Variants in GALNT17 observed in about 807,000 individuals in gnomAD.
The protein encoded by GALNT17 is polypeptide N-acetylgalactosaminyltransferase 17.
GALNT17 carries 29 observed loss-of-function variants against 63.7 expected under a neutral mutation model. The ratio of observed to expected loss-of-function variants is 0.46; its 90% CI spans 0.34 to 0.62. GALNT17 has a LOEUF of 0.62. GALNT17 is among the 20% of genes least tolerant of loss of function. GALNT17 has a pLI of 0.01. For missense variants in GALNT17, 603 were observed against 799.6 expected (o/e 0.75, Z 2.97); for synonymous variants, 305 against 318.3 (o/e 0.96, Z 0.45).
intron 6 of GALNT17, among the ~76,000 whole-genome samples, chr7:71,660,052 A>G (rs1392583041): frequency 6.6e-6 from 1 of 152,200 alleles, no homozygotes; most frequent in Admixed American, 6.5e-5. Context: ...TTCCCTTGCT[A>G]GATTATCCAC....
chr7:71,355,218 T>G (rs1792262208), intron 2 of GALNT17, among the ~76,000 whole-genome samples: 1 of 152,174 alleles, frequency 6.6e-6, no homozygotes, highest in South Asian at 2.1e-4. Flanking sequence ...ATTATTGCCT[T>G]CCTTGTATTT....
At chr7:71,293,752 A>G (rs1791025672) in intron 1 of GALNT17, among the ~76,000 whole-genome samples, 5 of 152,184 alleles carry the variant, frequency 3.3e-5, no homozygotes, top group Admixed American at 3.3e-4. Context: ...AGTCCTTTGA[A>G]TATATTACTT....
At chr7:71,251,744 A>T (rs1790201888) in intron 1 of GALNT17, among the ~76,000 whole-genome samples, 2 of 152,092 alleles carry the variant, frequency 1.3e-5, no homozygotes. Flanking sequence ...CCTATATCGG[A>T]TTGTCAGTCT....
At chr7:71,518,225 G>A (rs1341900080) in intron 5 of GALNT17, among the ~76,000 whole-genome samples, 1 of 152,204 alleles carries the variant, frequency 6.6e-6, no homozygotes, top group East Asian at 1.9e-4. Flanking sequence ...GAAATACCGT[G>A]TGAGAATGCT....
intron 5 of GALNT17, among the ~76,000 whole-genome samples, chr7:71,423,024 C>CCTGCTGGTGT (rs1219067270): frequency 6.6e-6 from 1 of 152,278 alleles, no homozygotes; most frequent in Non-Finnish European, 1.5e-5. Flanking sequence ...TTGTTGCTAG[C>CCTGCTGGTGT]CTGCTGGTGT....
At chr7:71,317,184 C>G (rs1194435409) in intron 1 of GALNT17, among the ~76,000 whole-genome samples, 1 of 152,088 alleles carries the variant, frequency 6.6e-6, no homozygotes, top group Non-Finnish European at 1.5e-5. Context: ...TCTGGGAACT[C>G]TAGCAAGGGA....
At chr7:71,225,439 TACA>T (rs1789663928) in intron 1 of GALNT17, among the ~76,000 whole-genome samples, 1 of 152,238 alleles carries the variant, frequency 6.6e-6, no homozygotes, top group South Asian at 2.1e-4. Flanking sequence ...CGGCAGCGAT[TACA>T]TTGCACGTTG....
intron 1 of GALNT17, among the ~76,000 whole-genome samples, chr7:71,291,901 C>T (rs1790986323): frequency 6.6e-6 from 1 of 152,082 alleles, no homozygotes; most frequent in South Asian, 2.1e-4. Context: ...TTAATTTCTG[C>T]TTTACTCTTA....
chr7:71,638,660 A>T (rs1790561965), intron 6 of GALNT17, among the ~76,000 whole-genome samples: 1 of 152,112 alleles, frequency 6.6e-6, no homozygotes, highest in African/African-American at 2.4e-5. Flanking sequence ...TGAGTCTGAG[A>T]GTGTAGGTTT....
intron 6 of GALNT17, among the ~76,000 whole-genome samples, chr7:71,624,182 G>A (rs545828773): frequency 6.6e-6 from 1 of 152,316 alleles, no homozygotes; most frequent in African/African-American, 2.4e-5. Context: ...TCCAGGTTAA[G>A]ATGGATGACA....
intron 1 of GALNT17, among the ~76,000 whole-genome samples, chr7:71,160,381 C>T (rs1242775060): frequency 6.6e-6 from 1 of 152,126 alleles, no homozygotes; most frequent in East Asian, 1.9e-4. Flanking sequence ...ATGATTTTGC[C>T]ATAAGTCACA....
At chr7:71,314,068 G>A (rs542121671) in intron 1 of GALNT17, among the ~76,000 whole-genome samples, 4 of 152,150 alleles carry the variant, frequency 2.6e-5, no homozygotes, top group Non-Finnish European at 5.9e-5. Flanking sequence ...TCTGGGCAAG[G>A]GATGGAGGCG....
chr7:71,508,798 A>G (rs769642398), intron 5 of GALNT17, among the ~76,000 whole-genome samples: 1 of 152,112 alleles, frequency 6.6e-6, no homozygotes, highest in Non-Finnish European at 1.5e-5. Context: ...CTTCACACCC[A>G]GGAGCTCCCT....
chr7:71,299,787 A>T (rs1468529788), intron 1 of GALNT17, among the ~76,000 whole-genome samples: 1 of 151,290 alleles, frequency 6.6e-6, no homozygotes, highest in Non-Finnish European at 1.5e-5. Flanking sequence ...TTTAATTGAG[A>T]TGGAGTCTTG....
chr7:71,577,526 C>T (rs1018176190), intron 6 of GALNT17, among the ~76,000 whole-genome samples: 4 of 152,042 alleles, frequency 2.6e-5, no homozygotes, highest in Admixed American at 2.0e-4. Flanking sequence ...ACCTTCTTGC[C>T]GATTCCAGCC....
At chr7:71,174,093 G>A (rs1788593039) in intron 1 of GALNT17, among the ~76,000 whole-genome samples, 1 of 152,176 alleles carries the variant, frequency 6.6e-6, no homozygotes, top group Non-Finnish European at 1.5e-5. Flanking sequence ...GAGTTGACAA[G>A]GACGGGTAAA....
chr7:71,534,143 G>T (rs1160307673), intron 5 of GALNT17, among the ~76,000 whole-genome samples: 1 of 152,118 alleles, frequency 6.6e-6, no homozygotes, highest in Non-Finnish European at 1.5e-5. Flanking sequence ...TCAAGACTGG[G>T]TAATTTATAA....
intron 10 of GALNT17, 149 bp from the exon 11 acceptor site, chr7:71,711,869 T>C: frequency 1.2e-6 from 1 of 830,424 alleles, no homozygotes; most frequent in Non-Finnish European, 1.8e-6. Flanking sequence ...TCTCTTTGCC[T>C]CTTTCTCTGT....
At chr7:71,139,953 C>A (rs1490160052) in intron 1 of GALNT17, among the ~76,000 whole-genome samples, 2 of 152,100 alleles carry the variant, frequency 1.3e-5, no homozygotes, top group Non-Finnish European at 2.9e-5. Flanking sequence ...GAGATCGCGC[C>A]CCTGCACTCC....
Sources: gnomAD v4.1 joint callset for allele counts (sites outside exome capture counted in the v4.1 genomes callset) on GRCh38, gnomAD v4.1.1 for gene constraint, MANE v1.5 for transcripts, NCBI Gene and HGNC (gene_info 2026-07-23, HGNC 2026-07-21) for gene names.